The following RNF150 variants were observed in gnomAD, a reference collection of about 807,000 sequenced individuals.
RNF150 encodes the protein ring finger protein 150.
In RNF150, 24 loss-of-function variants were observed where a neutral mutation model predicts 39.3. The observed-to-expected ratio is 0.61, with a 90% CI of 0.44 to 0.86. RNF150 has a LOEUF of 0.86. RNF150 is among the 40% of genes least tolerant of loss of function. The pLI is 0.00. For missense variants in RNF150, 502 were observed against 587.8 expected (o/e 0.85, Z 1.51); for synonymous variants, 255 against 227.3 (o/e 1.12, Z -1.10).
upstream of RNF150, among the ~76,000 whole-genome samples, chr4:141,133,758 C>T (rs1482132417): frequency 6.6e-6 from 1 of 152,078 alleles, no homozygotes; most frequent in African/African-American, 2.4e-5. Flanking sequence ...GAAGTACTGC[C>T]GTGAGCTCCC....
At chr4:141,106,862 T>G (rs1739228088) in intron 1 of RNF150, among the ~76,000 whole-genome samples, 1 of 152,152 alleles carries the variant, frequency 6.6e-6, no homozygotes, top group Non-Finnish European at 1.5e-5. Flanking sequence ...AGTCTTTCCA[T>G]CTACAATGTT....
intron 1 of RNF150, among the ~76,000 whole-genome samples, chr4:141,184,838 C>A (rs1390011600): frequency 6.7e-6 from 1 of 150,170 alleles, no homozygotes; most frequent in East Asian, 1.9e-4. Flanking sequence ...ATTTCTGAGG[C>A]CTCTGTTTTG....
chr4:141,021,968 T>C (rs966369624), intron 1 of RNF150, among the ~76,000 whole-genome samples: 1 of 152,182 alleles, frequency 6.6e-6, no homozygotes, highest in Non-Finnish European at 1.5e-5. Flanking sequence ...CTGCAACCAA[T>C]GTACATAGGA....
intron 2 of RNF150, among the ~76,000 whole-genome samples, chr4:140,958,015 C>T (rs1405652435): frequency 6.6e-6 from 1 of 151,734 alleles, no homozygotes; most frequent in East Asian, 1.9e-4. Context: ...GCACATTGTG[C>T]ACATGTACCC....
intron 1 of RNF150, among the ~76,000 whole-genome samples, chr4:141,178,244 A>ATGTG (rs112444817): frequency 2.2e-4 from 33 of 149,130 alleles, no homozygotes; most frequent in African/African-American, 5.6e-4. Flanking sequence ...GTGTGTGTGT[A>ATGTG]TGTGTGTGTG....
At chr4:141,152,120 C>T (rs921853705) in intron 1 of RNF150, among the ~76,000 whole-genome samples, 8 of 152,098 alleles carry the variant, frequency 5.3e-5, no homozygotes, top group African/African-American at 1.4e-4. Flanking sequence ...GGAAATTGTG[C>T]TGTGAATCAT....
At chr4:141,092,644 G>A (rs1190441019) in intron 1 of RNF150, among the ~76,000 whole-genome samples, 1 of 151,888 alleles carries the variant, frequency 6.6e-6, no homozygotes, top group Non-Finnish European at 1.5e-5. Flanking sequence ...AGAAAATTGG[G>A]TCCCAGAGGA....
chr4:140,986,163 G>A (rs912570441), intron 1 of RNF150, among the ~76,000 whole-genome samples: 10 of 151,934 alleles, frequency 6.6e-5, no homozygotes, highest in African/African-American at 2.2e-4. Context: ...AAGAAACAAC[G>A]TTACCCTCTT....
At chr4:140,907,761 G>GC (rs1416266305) in intron 6 of RNF150, among the ~76,000 whole-genome samples, 1 of 152,158 alleles carries the variant, frequency 6.6e-6, no homozygotes, top group East Asian at 1.9e-4. Flanking sequence ...GTGAGTTCCA[G>GC]CCCCATCTGT....
intron 6 of RNF150, among the ~76,000 whole-genome samples, chr4:140,898,279 AT>A (rs10693510): frequency 3.6e-4 from 53 of 148,132 alleles, no homozygotes; most frequent in African/African-American, 9.9e-4. Flanking sequence ...TGATGCACAC[AT>A]TTTTTTTTTT....
chr4:141,000,097 A>G (rs866633428), intron 1 of RNF150, among the ~76,000 whole-genome samples: 1 of 132,060 alleles, frequency 7.6e-6, no homozygotes, highest in Non-Finnish European at 1.7e-5. Context: ...GAGAAGAAGA[A>G]GAAGAAGAAG....
intron 6 of RNF150, among the ~76,000 whole-genome samples, chr4:140,869,661 A>G (rs1414699418): frequency 6.6e-6 from 1 of 152,258 alleles, no homozygotes; most frequent in African/African-American, 2.4e-5. Context: ...TAAGAGGGCT[A>G]TGTAACCATA....
intron 5 of RNF150, among the ~76,000 whole-genome samples, chr4:140,923,759 G>A (rs1731262800): frequency 6.6e-6 from 1 of 152,114 alleles, no homozygotes; most frequent in Non-Finnish European, 1.5e-5. Flanking sequence ...AAGAAAATGT[G>A]GCACATATAC....
At chr4:141,046,654 T>C (rs1736586950) in intron 1 of RNF150, among the ~76,000 whole-genome samples, 1 of 152,166 alleles carries the variant, frequency 6.6e-6, no homozygotes, top group Non-Finnish European at 1.5e-5. Flanking sequence ...TTGTTTTATT[T>C]TGGTTTTTGC....
intron 1 of RNF150, among the ~76,000 whole-genome samples, chr4:141,146,144 G>T (rs1727197884): frequency 6.6e-6 from 1 of 152,172 alleles, no homozygotes; most frequent in Admixed American, 6.5e-5. Flanking sequence ...CTGTTACTTT[G>T]GGATGGATAC....
At chr4:140,934,612 G>T (rs1731767267) in intron 4 of RNF150, among the ~76,000 whole-genome samples, 1 of 152,068 alleles carries the variant, frequency 6.6e-6, no homozygotes, top group African/African-American at 2.4e-5. Context: ...TTAAAACTTG[G>T]CTAAATTTGA....
At chr4:140,925,492 T>C (rs568962633) in intron 5 of RNF150, among the ~76,000 whole-genome samples, 8 of 152,204 alleles carry the variant, frequency 5.3e-5, no homozygotes, top group Non-Finnish European at 8.8e-5. Flanking sequence ...GATCTGAGTT[T>C]AGCTGAGGCT....
At chr4:140,931,845 A>G (rs1192759546) in intron 4 of RNF150, among the ~76,000 whole-genome samples, 1 of 152,238 alleles carries the variant, frequency 6.6e-6, no homozygotes, top group Non-Finnish European at 1.5e-5. Flanking sequence ...AAGTTCTCAC[A>G]CTTTTTGGCA....
rs922533008 is a variant in RNF150, at chr4:140,865,777, T to G, written c.*2484A>C. ...ATATGCAATCAATTCCTGATTCACCTAGTTCTTGGCAGGAAGAGAAAATAC... is the reference window on the plus strand; with the variant it reads ...ATATGCAATCAATTCCTGATTCACCGAGTTCTTGGCAGGAAGAGAAAATAC... On this transcript the variant is annotated 3_prime_UTR_variant, in exon 7 of 7. Transcript: ENST00000515673. 4 of 152,596 alleles carry G rather than the reference T, an allele frequency of 2.6e-5. No individual in the cohort carries two copies. The highest frequency in any genetic ancestry group is 9.6e-5 in the African/African-American group (4 of 41,460). The allele number at this position is 152,596 out of a possible 1,614,324, so 9.5% of individuals were successfully genotyped here. A position where few individuals can be genotyped will look rare whatever the true frequency, so the allele number is the denominator to read the frequency against.
Sources: gnomAD v4.1 joint callset for allele counts (sites outside exome capture counted in the v4.1 genomes callset) on GRCh38, gnomAD v4.1.1 for gene constraint, MANE v1.5 for transcripts, NCBI Gene and HGNC (gene_info 2026-07-23, HGNC 2026-07-21) for gene names.